The following ZNF714 variants were observed in gnomAD, a reference collection of about 807,000 sequenced individuals.
ZNF714 encodes the protein zinc finger protein 714.
ZNF714 carries 32 observed loss-of-function variants against 46.2 expected under a neutral mutation model. The ratio of observed to expected loss-of-function variants is 0.69; its 90% CI spans 0.52 to 0.93. ZNF714 has a LOEUF of 0.93. Among genes scored for constraint, ZNF714 ranks in the 40% least tolerant of loss-of-function variants. ZNF714 has a pLI of 0.00. For synonymous variants in ZNF714, 199 were observed against 213.1 expected (o/e 0.93, Z 0.58); for missense variants, 635 against 646.3 (o/e 0.98, Z 0.19).
In ZNF714 at chr19:21,117,024, T is replaced by C. The variant is rs767955910; in HGVS notation, c.360T>C (p.Asp120=). Residue 120 remains aspartate, a synonymous_variant, in exon 5 of 5, where the codon GAT becomes GAC. Transcript: ENST00000456283. ...TTTQSKIFPC[D]KYIKVFHKIF... ...CCCAGAGCAAAATATTTCCATGTGATAAATATATAAAAGTCTTTCATAAAA... is the reference window on the plus strand; with the variant it reads ...CCCAGAGCAAAATATTTCCATGTGACAAATATATAAAAGTCTTTCATAAAA... The C allele has an allele frequency of 6.2e-6, 10 of 1,613,260 alleles. No homozygotes were observed. The highest frequency in any genetic ancestry group is 1.7e-6 in the Non-Finnish European group (2 of 1,179,390).
rs1201889465 is a variant in ZNF714 at position 21,123,736 on chromosome 19, C to CA, written c.*5408dup. The CA allele has an allele frequency of 5.3e-5, 8 of 152,080 alleles. No homozygotes were observed. Among genetic ancestry groups the CA allele is most frequent in the Non-Finnish European group, 7.4e-5 (5 of 68,010 alleles). 9.4% of individuals were successfully genotyped at this position (152,080 alleles called of 1,614,324 possible). A position where few individuals can be genotyped will look rare whatever the true frequency, so the allele number is the denominator to read the frequency against. ...CTTTTAAGTGTGGTGGTAAAGATTG[C>CA]AAAATAATAAAATGACCTCTGAATT... On this transcript the variant is annotated 3_prime_UTR_variant, in exon 5 of 5. Transcript: ENST00000456283.
rs916700840 is a variant in ZNF714 at position 21,122,151 on chromosome 19, G to A, written c.*3819G>A. 4.6e-5 allele frequency: 7 copies of A among 152,126 alleles called. No individual in the cohort carries two copies. The highest frequency in any genetic ancestry group is 1.7e-4 in the African/African-American group (7 of 41,426). 9.4% of individuals were successfully genotyped at this position (152,126 alleles called of 1,614,324 possible). A position where few individuals can be genotyped will look rare whatever the true frequency, so the allele number is the denominator to read the frequency against. On this transcript the variant is annotated 3_prime_UTR_variant, in exon 5 of 5. Transcript: ENST00000456283. ...AGGTAAGTACTGGGGGGCTTCATAAGTCATGAGGATGTTTTTATATATAAA... is the reference window on the plus strand; with the variant it reads ...AGGTAAGTACTGGGGGGCTTCATAAATCATGAGGATGTTTTTATATATAAA...
chr19:21,100,867 C>G (rs1419126743), intron 4 of ZNF714, among the ~76,000 whole-genome samples: 16 of 151,936 alleles, frequency 1.1e-4, no homozygotes, highest in Admixed American at 1.1e-3. Context: ...ACCACTACAC[C>G]TGGCTAATTT....
rs938694173 is a variant in ZNF714, at chr19:21,123,513, C to T, written c.*5181C>T. ...GGGACTACAGGCGCCCGCTACCGCA[C>T]CCGTCTAATTTTTTTGTATTTTTAG... On this transcript the variant is annotated 3_prime_UTR_variant, in exon 5 of 5. Transcript: ENST00000456283. Among the ~76,000 whole-genome samples the T allele has an allele frequency of 4.5e-4, 69 of 151,982 alleles. 1 individual carries two copies. The highest frequency in any genetic ancestry group is 2.4e-4 in the Non-Finnish European group (16 of 68,018).
At chr19:21,112,816 A>ATTTTTTTTTTTTTTTTTTTTCTTTT in intron 4 of ZNF714, among the ~76,000 whole-genome samples, 1 of 43,210 alleles carries the variant, frequency 2.3e-5, no homozygotes, top group Non-Finnish European at 4.2e-5. Flanking sequence ...TTTATTTCTG[A>ATTTTTTTTTTTTTTTTTTTTCTTTT]TTTTTTTTTT....
rs1397472451 is a variant in ZNF714, at chr19:21,123,428, C to T, written c.*5096C>T. Among the ~76,000 whole-genome samples, 2 of 151,972 alleles carry T rather than the reference C, an allele frequency of 1.3e-5. No individual in the cohort carries two copies. Among genetic ancestry groups the T allele is most frequent in the Non-Finnish European group, 2.9e-5 (2 of 68,002 alleles). ...AGAGTACAGTGGTGTGATCTTGGCT[C>T]ACTGCAAGCTCCGCCTTCCGGGTTC... On this transcript the variant is annotated 3_prime_UTR_variant, in exon 5 of 5. Coordinates refer to ENST00000456283, the MANE Select transcript of ZNF714 (RefSeq NM_182515.4).
chr19:21,113,874 G>A (rs917678368), intron 4 of ZNF714, among the ~76,000 whole-genome samples: 2 of 152,146 alleles, frequency 1.3e-5, no homozygotes, highest in Admixed American at 1.3e-4. Flanking sequence ...GTTGTTTGTG[G>A]CTGGAGAGTT....
intron 2 of ZNF714, among the ~76,000 whole-genome samples, chr19:21,094,614 C>T (rs912289978): frequency 1.3e-5 from 2 of 152,152 alleles, no homozygotes; most frequent in Non-Finnish European, 2.9e-5. Context: ...GCAACCTCCA[C>T]CTCCTTGATT....
At position 21,118,278 on chromosome 19, in the gene ZNF714, C is replaced by T. The variant is rs1969649372; in HGVS notation, c.1614C>T (p.Thr538=). ...VQDQPGQHGK[T]PSLLKIQKFA... The stretch of plus-strand genomic sequence containing the variant: ...ACCAGCCTGGCCAACATGGTAAAAC[C>T]CCATCTCTACTAAAAATACAAAAAT... Residue 538 remains threonine, a synonymous_variant, in exon 5 of 5, where the codon ACC becomes ACT. Transcript: ENST00000456283. The T allele has an allele frequency of 7.7e-7, 1 of 1,300,864 alleles. No homozygotes were observed. Among genetic ancestry groups the T allele is most frequent in the Admixed American group, 2.2e-5 (1 of 44,446 alleles). The allele number at this position is 1,300,864 out of a possible 1,614,324, so 80.6% of individuals were successfully genotyped here. A position where few individuals can be genotyped will look rare whatever the true frequency, so the allele number is the denominator to read the frequency against.
At chr19:21,094,148 AC>A (rs1968985929) in intron 2 of ZNF714, among the ~76,000 whole-genome samples, 2 of 152,000 alleles carry the variant, frequency 1.3e-5, no homozygotes, top group Non-Finnish European at 2.9e-5. Context: ...ATGTAACCAC[AC>A]CTGGCTAAAT....
At chr19:21,102,049 T>C (rs1341588676) in intron 4 of ZNF714, among the ~76,000 whole-genome samples, 2 of 152,210 alleles carry the variant, frequency 1.3e-5, no homozygotes, top group Non-Finnish European at 2.9e-5. Context: ...CCAACCTCAG[T>C]GTACCATGTA....
chr19:21,117,952 T>C lies in ZNF714; in HGVS notation c.1288T>C (p.Cys430Arg). 5 of 1,613,414 alleles carry C rather than the reference T, an allele frequency of 3.1e-6. No individual in the cohort carries two copies. The highest frequency in any genetic ancestry group is 4.2e-6 in the Non-Finnish European group (5 of 1,179,908). Residue 430 changes from cysteine to arginine, a missense_variant, in exon 5 of 5, where the codon TGT becomes CGT. Physicochemically the swap from Cys to Arg is radical, Grantham distance 180. Coordinates refer to ENST00000456283, the MANE Select transcript of ZNF714 (RefSeq NM_182515.4). ...AGAGAAACTCTACAAATGTGAAGAA[T>C]GTGGCAAAGCTTTTAACCGATCCTC... ...TGEKLYKCEE[C>R]GKAFNRSSNL...
chr19:21,090,451 G>A (rs1440736817), intron 2 of ZNF714, among the ~76,000 whole-genome samples: 1 of 152,178 alleles, frequency 6.6e-6, no homozygotes, highest in Non-Finnish European at 1.5e-5. Flanking sequence ...TCAGCAAAGA[G>A]TGCAAGACAG....
At chr19:21,114,923 T>C (rs1162004749) in intron 4 of ZNF714, among the ~76,000 whole-genome samples, 1 of 152,170 alleles carries the variant, frequency 6.6e-6, no homozygotes, top group Non-Finnish European at 1.5e-5. Flanking sequence ...AGTAGTGTTA[T>C]TTTATTGTTT....
At position 21,121,929 on chromosome 19, in the gene ZNF714, T is replaced by C. The variant is rs1456024192; in HGVS notation, c.*3597T>C. The stretch of plus-strand genomic sequence containing the variant: ...TGGTCTGTGATTATAAGAATTTTTA[T>C]GAAATTTAGTGCACACAAAATAATT... On this transcript the variant is annotated 3_prime_UTR_variant, in exon 5 of 5. Transcript: ENST00000456283. 6.6e-6 allele frequency: 1 copy of C among 152,224 alleles called. No individual in the cohort carries two copies. Among genetic ancestry groups the C allele is most frequent in the African/African-American group, 2.4e-5 (1 of 41,474 alleles). The allele number at this position is 152,224 out of a possible 1,614,324, so 9.4% of individuals were successfully genotyped here. A position where few individuals can be genotyped will look rare whatever the true frequency, so the allele number is the denominator to read the frequency against.
At position 21,092,628 on chromosome 19, in the gene ZNF714, G is replaced by T. The variant is rs77628784; in HGVS notation, c.-84-5557G>T. 3.4e-3 allele frequency among the ~76,000 whole-genome samples: 512 copies of T among 152,086 alleles called. 3 individuals carry two copies. Among genetic ancestry groups the T allele is most frequent in the Non-Finnish European group, 5.9e-3 (398 of 68,000 alleles). ...GGTTCAGGGATCCATGTGCAGCTTT[G>T]TTATATACGTAAAATTGTGTCATGG... On this transcript the variant is annotated intron_variant, in intron 2 of 4. Transcript: ENST00000456283.
intron 4 of ZNF714, among the ~76,000 whole-genome samples, chr19:21,103,569 A>G (rs1301906181): frequency 1.3e-5 from 2 of 152,064 alleles, no homozygotes; most frequent in Admixed American, 1.3e-4. Context: ...ATGAGAAGAA[A>G]AAACAGTAAA....
chr19:21,093,497 GC>G, intron 2 of ZNF714, among the ~76,000 whole-genome samples: 1 of 151,840 alleles, frequency 6.6e-6, no homozygotes, highest in Non-Finnish European at 1.5e-5. Context: ...CTCCCAAAAT[GC>G]TGGGATTACA....
chr19:21,082,954 T>C (rs901492564), intron 1 of ZNF714, among the ~76,000 whole-genome samples: 3 of 152,180 alleles, frequency 2.0e-5, no homozygotes, highest in African/African-American at 7.2e-5. Context: ...GGTTATGTAA[T>C]TAGATGTTAA....
Sources: gnomAD v4.1 joint callset for allele counts (sites outside exome capture counted in the v4.1 genomes callset) on GRCh38, gnomAD v4.1.1 for gene constraint, MANE v1.5 for transcripts, NCBI Gene and HGNC (gene_info 2026-07-23, HGNC 2026-07-21) for gene names.